The following PPM1H variants were observed in gnomAD, a reference collection of about 807,000 sequenced individuals.
The protein encoded by PPM1H is protein phosphatase 1H.
Under a neutral mutation model 54.9 loss-of-function variants are expected in PPM1H, and 27 were observed. That is an observed-to-expected ratio of 0.49 (90% CI 0.36 to 0.68). PPM1H has a LOEUF of 0.68. Among genes scored for constraint, PPM1H ranks in the 30% least tolerant of loss-of-function variants. The pLI, the probability that PPM1H is intolerant of heterozygous loss-of-function variation, is 0.00. For synonymous variants in PPM1H, 305 were observed against 270.8 expected (o/e 1.13, Z -1.24); for missense variants, 596 against 667.8 (o/e 0.89, Z 1.19).
chr12:62,767,994 T>C (rs899672961), intron 4 of PPM1H, among the ~76,000 whole-genome samples: 2 of 152,218 alleles, frequency 1.3e-5, no homozygotes, highest in Non-Finnish European at 2.9e-5. Flanking sequence ...ATCTTAATTA[T>C]ATCTACCAAG....
chr12:62,872,242 T>A (rs780410645), intron 1 of PPM1H, among the ~76,000 whole-genome samples: 11 of 152,186 alleles, frequency 7.2e-5, no homozygotes, highest in Non-Finnish European at 1.6e-4. Context: ...GTTGACAGCA[T>A]CGTGAGAGTA....
intron 5 of PPM1H, among the ~76,000 whole-genome samples, chr12:62,729,321 G>A (rs2076307279): frequency 6.6e-6 from 1 of 152,222 alleles, no homozygotes; most frequent in African/African-American, 2.4e-5. Context: ...AGGGAAGTGG[G>A]AGAGAGCATG....
At chr12:62,648,698 T>A (rs1216929142) in intron 9 of PPM1H, 62 bp from the exon 10 acceptor site, 1 of 1,557,122 alleles carries the variant, frequency 6.4e-7, no homozygotes, top group African/African-American at 1.4e-5. Flanking sequence ...CAGGGTCAAG[T>A]GAGGCTGGGA....
chr12:62,717,518 C>T (rs895893993), intron 6 of PPM1H, among the ~76,000 whole-genome samples: 4 of 151,346 alleles, frequency 2.6e-5, no homozygotes, highest in African/African-American at 9.7e-5. Context: ...CAAGTGTGCA[C>T]GCAAGAGTGA....
intron 4 of PPM1H, among the ~76,000 whole-genome samples, chr12:62,778,835 A>G (rs974997217): frequency 6.6e-6 from 1 of 152,006 alleles, no homozygotes; most frequent in Non-Finnish European, 1.5e-5. Context: ...GGAGGCTGAC[A>G]TGGGAAGATG....
At position 62,804,277 on chromosome 12, in the gene PPM1H, C is replaced by T. The variant is rs771928236; in HGVS notation, c.412-2117G>A. 1.1e-3 allele frequency among the ~76,000 whole-genome samples: 159 copies of T among 150,766 alleles called. 5 individuals are homozygous for T. Among genetic ancestry groups the T allele is most frequent in the Admixed American group, 0.01 (152 of 15,194 alleles). ...GTTGAAATGGGAGAATCCCTTGAAT[C>T]GAGGAGAAGGAGGCTGCAACAGGCC... is the stretch of plus-strand genomic sequence containing the variant. On this transcript the variant is annotated intron_variant, in intron 2 of 9. Coordinates refer to ENST00000228705, the MANE Select transcript of PPM1H (RefSeq NM_020700.2).
At chr12:62,729,615 C>T (rs567766631) in intron 5 of PPM1H, among the ~76,000 whole-genome samples, 67 of 152,314 alleles carry the variant, frequency 4.4e-4, no homozygotes, top group African/African-American at 1.5e-3. Flanking sequence ...GGGACCAGCA[C>T]CCCATCATCA....
chr12:62,787,406 G>T (rs924746870), intron 4 of PPM1H, among the ~76,000 whole-genome samples: 1 of 152,206 alleles, frequency 6.6e-6, no homozygotes, highest in Non-Finnish European at 1.5e-5. Context: ...CCCACTCTCA[G>T]GCCAGCATAT....
chr12:62,932,627 G>GTTTTTTTTTTTTTTTTT (rs1229452777), intron 1 of PPM1H, among the ~76,000 whole-genome samples: 5 of 22,538 alleles, frequency 2.2e-4, no homozygotes, highest in South Asian at 1.5e-3. Context: ...GTCCAAATGG[G>GTTTTTTTTTTTTTTTTT]CTTTTTTTTT....
chr12:62,869,604 T>A (rs1565814851), intron 1 of PPM1H, among the ~76,000 whole-genome samples: 1 of 152,168 alleles, frequency 6.6e-6, no homozygotes, highest in African/African-American at 2.4e-5. Flanking sequence ...ATAAAAGATC[T>A]CTCTGTGGAT....
chr12:62,832,939 T>G (rs1868395644), intron 1 of PPM1H, among the ~76,000 whole-genome samples: 1 of 152,184 alleles, frequency 6.6e-6, no homozygotes, highest in Non-Finnish European at 1.5e-5. Flanking sequence ...TAATAAGGCA[T>G]GTTGACACTG....
chr12:62,797,975 C>T (rs567987022), intron 3 of PPM1H, among the ~76,000 whole-genome samples: 1 of 152,276 alleles, frequency 6.6e-6, no homozygotes, highest in Admixed American at 6.5e-5. Context: ...CAAGGTATGG[C>T]CACCCTTCCA....
chr12:62,790,039 C>T (rs562865684), intron 3 of PPM1H, among the ~76,000 whole-genome samples: 1 of 152,280 alleles, frequency 6.6e-6, no homozygotes, highest in African/African-American at 2.4e-5. Context: ...GAAACGGTGA[C>T]GTTGATGCTG....
intron 8 of PPM1H, among the ~76,000 whole-genome samples, chr12:62,682,832 G>A (rs2076027037): frequency 6.7e-6 from 1 of 148,422 alleles, no homozygotes. Flanking sequence ...CATGGGGAGG[G>A]GTGGTGGGAA....
chr12:62,758,958 C>T (rs909843050), intron 4 of PPM1H, among the ~76,000 whole-genome samples: 1 of 152,208 alleles, frequency 6.6e-6, no homozygotes. Context: ...CTCCCCCACC[C>T]TTAAGAAGGT....
chr12:62,653,626 T>A (rs549520104), intron 9 of PPM1H, among the ~76,000 whole-genome samples: 23 of 152,274 alleles, frequency 1.5e-4, no homozygotes, highest in African/African-American at 5.5e-4. Flanking sequence ...TCATGGTGAG[T>A]GTGAAGAAGA....
At chr12:62,825,977 A>C (rs936433587) in intron 2 of PPM1H, among the ~76,000 whole-genome samples, 2 of 152,200 alleles carry the variant, frequency 1.3e-5, no homozygotes, top group Admixed American at 6.5e-5. Flanking sequence ...TAAATGCCTC[A>C]TGGAAGCTGG....
chr12:62,670,007 T>G (rs972411618), intron 8 of PPM1H, among the ~76,000 whole-genome samples: 1 of 116,968 alleles, frequency 8.5e-6, no homozygotes, highest in East Asian at 2.6e-4. Context: ...GACGGAGTTT[T>G]GCTCTTGTTG....
At position 62,685,997 on chromosome 12, in the gene PPM1H, G is replaced by C. The variant is rs548320939; in HGVS notation, c.1245+3702C>G. On this transcript the variant is annotated intron_variant, in intron 8 of 9. Transcript: ENST00000228705. Reference sequence around the variant, plus strand: ...AACTGCCACACTTTATTCAACTCTAGAACTTTTCTAAGAGCATTTAAATTT... The same window carrying C: ...AACTGCCACACTTTATTCAACTCTACAACTTTTCTAAGAGCATTTAAATTT... 2.6e-5 allele frequency among the ~76,000 whole-genome samples: 4 copies of C among 152,250 alleles called. No homozygotes were observed. The South Asian group carries it at 8.3e-4, about 32-fold the overall frequency.
Sources: gnomAD v4.1 joint callset for allele counts (sites outside exome capture counted in the v4.1 genomes callset) on GRCh38, gnomAD v4.1.1 for gene constraint, MANE v1.5 for transcripts, NCBI Gene and HGNC (gene_info 2026-07-23, HGNC 2026-07-21) for gene names.